The following PGM1 variants were observed in gnomAD, a reference collection of about 807,000 sequenced individuals.
PGM1 encodes phosphoglucomutase 1.
PGM1 carries 52 observed loss-of-function variants against 55.6 expected under a neutral mutation model. That is an observed-to-expected ratio of 0.94 (90% CI 0.75 to 1.18). The LOEUF is 1.18. Ranked by LOEUF, PGM1 falls within the 50% of genes most tolerant of loss-of-function variation. The pLI, the probability that PGM1 is intolerant of heterozygous loss-of-function variation, is 0.00. For missense variants in PGM1, 724 were observed against 729.3 expected (o/e 0.99, Z 0.08); for synonymous variants, 287 against 271.7 (o/e 1.06, Z -0.55).
At chr1:63,639,941 G>A (rs1266085129) in intron 7 of PGM1, among the ~76,000 whole-genome samples, 1 of 152,240 alleles carries the variant, frequency 6.6e-6, no homozygotes, top group Non-Finnish European at 1.5e-5. Flanking sequence ...AAGGTATGAA[G>A]AAGGCTGGAT....
rs1255589311 is a variant in PGM1 at position 63,636,338 on chromosome 1, T to A, written c.978T>A (p.Thr326=). ...TCAGCATTCCGTATTTCCAGCAGACTGGGGTCCGCGGCTTTGCACGGAGCA... is the reference window on the plus strand; with the variant it reads ...TCAGCATTCCGTATTTCCAGCAGACAGGGGTCCGCGGCTTTGCACGGAGCA... The part of the protein sequence containing the change: ...NIFSIPYFQQ[T]GVRGFARSMP... Residue 326 remains threonine, a synonymous_variant, in exon 6 of 11, where the codon ACT becomes ACA. Coordinates refer to ENST00000371084, the MANE Select transcript of PGM1 (RefSeq NM_002633.3). 1.2e-6 allele frequency: 2 copies of A among 1,614,030 alleles called. No individual in the cohort carries two copies. The highest frequency in any genetic ancestry group is 1.7e-6 in the Non-Finnish European group (2 of 1,180,016).
chr1:63,648,263 C>CA (rs1285097049), intron 7 of PGM1, among the ~76,000 whole-genome samples: 1 of 152,180 alleles, frequency 6.6e-6, no homozygotes, highest in Non-Finnish European at 1.5e-5. Flanking sequence ...GCACCTTCTT[C>CA]ACATGGCTGC....
In PGM1 at chr1:63,634,890, A is replaced by G. The variant is rs1557434467; in HGVS notation, c.744A>G (p.Ala248=). The part of the protein sequence containing the change: ...CEELGAPANS[A]VNCVPLEDFG... ...AACTCGGTGCCCCTGCGAACTCGGCAGTTAACTGCGTTCCTCTGGAGGACT... is the reference window on the plus strand; with the variant it reads ...AACTCGGTGCCCCTGCGAACTCGGCGGTTAACTGCGTTCCTCTGGAGGACT... The change falls in exon 5 of 11, where the codon GCA becomes GCG. Residue 248 remains alanine (A), a synonymous_variant. Coordinates refer to ENST00000371084, the MANE Select transcript of PGM1 (RefSeq NM_002633.3). The G allele has an allele frequency of 1.9e-6, 3 of 1,608,014 alleles. No individual in the cohort carries two copies. The highest frequency in any genetic ancestry group is 2.5e-6 in the Non-Finnish European group (3 of 1,177,048).
intron 1 of PGM1, among the ~76,000 whole-genome samples, chr1:63,594,956 G>T (rs1355303638): frequency 8.5e-5 from 3 of 35,310 alleles, no homozygotes; most frequent in African/African-American, 2.3e-4. Context: ...GCGAGACTCC[G>T]TCTCAAAAAA....
chr1:63,604,917 C>CTGTGTG (rs60618789), intron 1 of PGM1, among the ~76,000 whole-genome samples: 175 of 118,828 alleles, frequency 1.5e-3, no homozygotes, highest in African/African-American at 2.1e-3. Flanking sequence ...TTACATAACT[C>CTGTGTG]TGTGTGTGTG....
intron 10 of PGM1, 83 bp downstream of exon 10, chr1:63,654,549 A>G: frequency 2.9e-6 from 4 of 1,383,724 alleles, no homozygotes; most frequent in South Asian, 1.2e-5. Context: ...TTCAATGCCC[A>G]TTTCTCAAAT....
intron 6 of PGM1, among the ~76,000 whole-genome samples, chr1:63,638,139 C>T (rs551443605): frequency 2.8e-4 from 43 of 152,270 alleles, no homozygotes; most frequent in African/African-American, 9.9e-4. Context: ...CCCCACTGGG[C>T]GTTTCCCCTG....
intron 1 of PGM1, among the ~76,000 whole-genome samples, chr1:63,622,913 A>G (rs1194540311): frequency 6.6e-6 from 1 of 152,228 alleles, no homozygotes; most frequent in African/African-American, 2.4e-5. Context: ...GCTAGGTGGC[A>G]TGGGGCAACT....
chr1:63,640,543 G>T (rs1254588817), intron 7 of PGM1, among the ~76,000 whole-genome samples: 3 of 151,998 alleles, frequency 2.0e-5, no homozygotes, highest in East Asian at 3.9e-4. Context: ...CCACAATAAT[G>T]ATTATTATTA....
chr1:63,604,145 A>T (rs1648343916), intron 1 of PGM1, among the ~76,000 whole-genome samples: 1 of 152,206 alleles, frequency 6.6e-6, no homozygotes, highest in Non-Finnish European at 1.5e-5. Context: ...ACTCTGAAAG[A>T]GTATACTTTG....
At position 63,593,818 on chromosome 1, in the gene PGM1, C is replaced by T. The variant is rs773778916; in HGVS notation, c.246+84C>T. ...CGCGGCGCCCTCCCTCGCTCGGGGC[C>T]GGCCGCTTCCGCGCGCTGCCGCCTC... On this transcript the variant is annotated intron_variant, in intron 1 of 10. Transcript: ENST00000371084. 1,722 of 1,336,222 alleles carry T rather than the reference C, an allele frequency of 1.3e-3. 2 individuals carry two copies. Among genetic ancestry groups the T allele is most frequent in the Non-Finnish European group, 1.5e-3 (1,615 of 1,054,488 alleles). The allele number at this position is 1,336,222 out of a possible 1,614,324, so 82.8% of individuals were successfully genotyped here.
At chr1:63,654,967 C>CT (rs58711467) in intron 10 of PGM1, among the ~76,000 whole-genome samples, 3,820 of 131,598 alleles carry the variant, frequency 0.029, 102 homozygotes, top group Admixed American at 0.063. Flanking sequence ...ATGAATCTCT[C>CT]TTTTTTTTTT....
chr1:63,598,685 A>T (rs891755974), intron 1 of PGM1, among the ~76,000 whole-genome samples: 1 of 152,176 alleles, frequency 6.6e-6, no homozygotes, highest in Non-Finnish European at 1.5e-5. Context: ...TTATTTTGTC[A>T]TTCATATTCA....
At chr1:63,609,839 A>G (rs1358667274) in intron 1 of PGM1, among the ~76,000 whole-genome samples, 1 of 152,116 alleles carries the variant, frequency 6.6e-6, no homozygotes, top group East Asian at 1.9e-4. Flanking sequence ...AGGCTAAGGT[A>G]AGTGTTGTGG....
At chr1:63,648,881 TA>T (rs991715625) in intron 8 of PGM1, among the ~76,000 whole-genome samples, 1 of 152,232 alleles carries the variant, frequency 6.6e-6, no homozygotes, top group Non-Finnish European at 1.5e-5. Flanking sequence ...ATCAAAAGAA[TA>T]AATGCTTTAT....
At chr1:63,659,450 A>T in intron 10 of PGM1, 136 bp from the exon 11 acceptor site, 2 of 723,552 alleles carry the variant, frequency 2.8e-6, no homozygotes, top group South Asian at 1.5e-5. Flanking sequence ...GGGAAATAAC[A>T]TGTGTTTGTT....
chr1:63,633,948 T>TTA (rs1557433867), intron 4 of PGM1, among the ~76,000 whole-genome samples: 11 of 112,808 alleles, frequency 9.8e-5, no homozygotes, highest in Middle Eastern at 3.8e-3. Flanking sequence ...TTTTTTTTTT[T>TTA]TTTTTTTTTT....
chr1:63,624,126 GGA>G (rs1648960601), intron 1 of PGM1, among the ~76,000 whole-genome samples: 1 of 152,176 alleles, frequency 6.6e-6, no homozygotes, highest in Non-Finnish European at 1.5e-5. Flanking sequence ...ACTGAATGGT[GGA>G]GAGAAGAGGA....
intron 1 of PGM1, 173 bp downstream of exon 1, chr1:63,593,907 AGGTCGCCGGGCT>A: frequency 2.4e-6 from 3 of 1,244,558 alleles, no homozygotes; most frequent in Non-Finnish European, 3.0e-6. Context: ...GGCCCGACGG[AGGTCGCCGGGCT>A]GGGGAAAGTG....
Sources: gnomAD v4.1 joint callset for allele counts (sites outside exome capture counted in the v4.1 genomes callset) on GRCh38, gnomAD v4.1.1 for gene constraint, MANE v1.5 for transcripts, NCBI Gene and HGNC (gene_info 2026-07-23, HGNC 2026-07-21) for gene names.